Variants in ENTREP2 observed in about 807,000 individuals in gnomAD.
The protein encoded by ENTREP2 is endosomal transmembrane epsin interactor 2.
At chr15:29,256,430 C>T in the ENTREP2 span, among the ~76,000 whole-genome samples, 1 of 152,176 alleles carries the variant, frequency 6.6e-6, no homozygotes, top group South Asian at 2.1e-4. Context: ...CTCCTTTCAA[C>T]CATGCCAAAA....
the ENTREP2 span, among the ~76,000 whole-genome samples, chr15:29,509,542 G>GTACCAAAACAGCATGGTACTGT: frequency 3.3e-5 from 5 of 152,064 alleles, no homozygotes; most frequent in Non-Finnish European, 7.4e-5. Context: ...CATGGTACTG[G>GTACCAAAACAGCATGGTACTGT]TACCAAAACA....
At chr15:29,527,412 T>C in the ENTREP2 span, among the ~76,000 whole-genome samples, 6 of 152,312 alleles carry the variant, frequency 3.9e-5, no homozygotes, top group African/African-American at 1.4e-4. Context: ...GATGAGTCTT[T>C]AGGAAAACAA....
At chr15:29,255,933 G>A in the ENTREP2 span, among the ~76,000 whole-genome samples, 13 of 151,428 alleles carry the variant, frequency 8.6e-5, 2 homozygotes, top group Middle Eastern at 0.037. Context: ...CCCGGGAGGC[G>A]GAGCTTGCAG....
At chr15:29,366,453 C>A in the ENTREP2 span, among the ~76,000 whole-genome samples, 4 of 152,042 alleles carry the variant, frequency 2.6e-5, no homozygotes, top group African/African-American at 9.7e-5. Context: ...AAAAGAAAAC[C>A]CAACCATTTA....
chr15:29,419,829 A>C, the ENTREP2 span, among the ~76,000 whole-genome samples: 2 of 152,210 alleles, frequency 1.3e-5, no homozygotes, highest in Non-Finnish European at 2.9e-5. Context: ...ATCACCAAGA[A>C]AATATCCTTC....
chr15:29,145,576 T>A, the ENTREP2 span, among the ~76,000 whole-genome samples: 2 of 135,146 alleles, frequency 1.5e-5, no homozygotes, highest in Non-Finnish European at 3.0e-5. Context: ...TGAGCCGAGA[T>A]TATACCACTG....
chr15:29,409,933 C>T, the ENTREP2 span, among the ~76,000 whole-genome samples: 4 of 152,314 alleles, frequency 2.6e-5, no homozygotes, highest in East Asian at 7.7e-4. Context: ...CCCAAAGCCC[C>T]CGATACCTGA....
At chr15:29,511,810 A>T in the ENTREP2 span, among the ~76,000 whole-genome samples, 1 of 146,814 alleles carries the variant, frequency 6.8e-6, no homozygotes, top group Non-Finnish European at 1.5e-5. Flanking sequence ...TTACCCCAGC[A>T]TATCTAGGAT....
chr15:29,329,124 A>G, the ENTREP2 span, among the ~76,000 whole-genome samples: 43 of 152,154 alleles, frequency 2.8e-4, no homozygotes, highest in Non-Finnish European at 5.4e-4. Context: ...GCATTTTGGG[A>G]GGCCGAGGCG....
chr15:29,318,730 T>C, the ENTREP2 span, among the ~76,000 whole-genome samples: 3 of 152,228 alleles, frequency 2.0e-5, no homozygotes, highest in Admixed American at 2.0e-4. Context: ...AGGATGTGTG[T>C]GACTTGCTTT....
At chr15:29,531,956 G>A in the ENTREP2 span, among the ~76,000 whole-genome samples, 3 of 152,178 alleles carry the variant, frequency 2.0e-5, no homozygotes, top group African/African-American at 4.8e-5. Flanking sequence ...GTGAGCCACC[G>A]CACCCAGCTT....
At chr15:29,343,027 T>TGGTG in the ENTREP2 span, among the ~76,000 whole-genome samples, 15 of 130,990 alleles carry the variant, frequency 1.1e-4, no homozygotes, top group South Asian at 1.7e-3. Flanking sequence ...TAAAAAGGAA[T>TGGTG]GGGGGGGGTG....
the ENTREP2 span, chr15:29,268,639 A>G: frequency 4.6e-6 from 3 of 658,678 alleles, no homozygotes; most frequent in African/African-American, 1.8e-5. Context: ...CAACATTAAA[A>G]AAACAAAACT....
the ENTREP2 span, among the ~76,000 whole-genome samples, chr15:29,212,289 G>A: frequency 6.6e-6 from 1 of 152,220 alleles, no homozygotes; most frequent in East Asian, 1.9e-4. Flanking sequence ...AGCCTTGAAT[G>A]ATCTTTTGTG....
chr15:29,119,783 G>A, the ENTREP2 span, among the ~76,000 whole-genome samples: 4 of 152,062 alleles, frequency 2.6e-5, no homozygotes, highest in East Asian at 1.9e-4. Flanking sequence ...GAGAAATGTC[G>A]CCTGAGTCAA....
At chr15:29,584,892 A>G in the ENTREP2 span, among the ~76,000 whole-genome samples, 3 of 152,224 alleles carry the variant, frequency 2.0e-5, no homozygotes, top group Admixed American at 1.3e-4. Flanking sequence ...TTCATAATGT[A>G]TATGTATATC....
the ENTREP2 span, among the ~76,000 whole-genome samples, chr15:29,548,033 T>C: frequency 6.6e-6 from 1 of 152,010 alleles, no homozygotes; most frequent in African/African-American, 2.4e-5. Flanking sequence ...ACCAAATTCA[T>C]AGAAACAGAA....
At chr15:29,292,843 T>C in the ENTREP2 span, among the ~76,000 whole-genome samples, 2 of 152,216 alleles carry the variant, frequency 1.3e-5, no homozygotes, top group African/African-American at 2.4e-5. Flanking sequence ...GCTTCTTTCA[T>C]TCCTCACTTC....
the ENTREP2 span, among the ~76,000 whole-genome samples, chr15:29,428,748 C>T: frequency 6.6e-6 from 1 of 152,112 alleles, no homozygotes; most frequent in Non-Finnish European, 1.5e-5. Context: ...CCAGCACACA[C>T]AAAAGTGAGA....
Sources: allele counts gnomAD v4.1 joint callset (sites outside exome capture counted in the v4.1 genomes callset), GRCh38; gene constraint gnomAD v4.1.1; transcripts MANE v1.5; gene names NCBI Gene and HGNC (gene_info 2026-07-23, HGNC 2026-07-21).